Variants in DDI2 observed in about 807,000 individuals in gnomAD.
The protein encoded by DDI2 is protein DDI1 homolog 2.
DDI2 carries 5 observed loss-of-function variants against 48.1 expected under a neutral mutation model. The ratio of observed to expected loss-of-function variants is 0.10; its 90% CI spans 0.05 to 0.22. DDI2 has a LOEUF of 0.22. Ranked by LOEUF, DDI2 falls within the 10% of genes least tolerant of loss-of-function variation. DDI2 has a pLI of 1.00. For missense variants in DDI2, 285 were observed against 506.2 expected (o/e 0.56, Z 4.19); for synonymous variants, 205 against 183.6 (o/e 1.12, Z -0.94).
chr1:15,627,701 G>T (rs900014063), intron 2 of DDI2, among the ~76,000 whole-genome samples: 5 of 152,136 alleles, frequency 3.3e-5, no homozygotes, highest in East Asian at 1.9e-4. Context: ...GAAATGTGTG[G>T]TTTTTTTCCA....
chr1:15,641,139 T>C (rs1640001210), intron 5 of DDI2, among the ~76,000 whole-genome samples: 1 of 152,110 alleles, frequency 6.6e-6, no homozygotes, highest in East Asian at 1.9e-4. Context: ...TGGAAACCAT[T>C]GAGGACTTTT....
intron 4 of DDI2, among the ~76,000 whole-genome samples, chr1:15,636,931 A>G (rs75598696): frequency 0.02 from 2,984 of 152,322 alleles, 46 homozygotes; most frequent in Non-Finnish European, 0.029. Context: ...TTTTTTGCCT[A>G]AACAGCAGGC....
rs562057618 is a variant in DDI2 at position 15,659,940 on chromosome 1, T to A, written c.*150T>A. 1.2e-6 allele frequency: 2 copies of A among 1,613,702 alleles called. No individual in the cohort carries two copies. Among genetic ancestry groups the A allele is most frequent in the East Asian group, 2.2e-5 (1 of 44,880 alleles). ...CTTCAGGACAGAGTCCTGATGTTGG[T>A]AATCCTATGAGTCTTGCTCGCTCTG... On this transcript the variant is annotated 3_prime_UTR_variant, in exon 10 of 10. Coordinates refer to ENST00000480945, the MANE Select transcript of DDI2 (RefSeq NM_032341.5).
intron 1 of DDI2, among the ~76,000 whole-genome samples, chr1:15,618,840 A>C (rs1337447145): frequency 6.6e-6 from 1 of 152,234 alleles, no homozygotes; most frequent in Non-Finnish European, 1.5e-5. Context: ...CCATCAAGTA[A>C]ATCTTGATTT....
Position 15,617,533 on chromosome 1 carries a change from T to TGAGG in DDI2, c.-130_-127dup, listed in dbSNP as rs1472911064. The TGAGG allele has an allele frequency of 1.7e-6, 1 of 605,460 alleles. No individual in the cohort carries two copies. The highest frequency in any genetic ancestry group is 1.9e-5 in the African/African-American group (1 of 51,528). 37.5% of individuals were successfully genotyped at this position (605,460 alleles called of 1,614,324 possible). A position where few individuals can be genotyped will look rare whatever the true frequency, so the allele number is the denominator to read the frequency against. ...GAGGGAGTGACTCACTGAGCGTGTG[T>TGAGG]GAGGGAGGGAGCGAGCGAGCGAACG... On this transcript the variant is annotated 5_prime_UTR_variant, in exon 1 of 10. Coordinates refer to ENST00000480945, the MANE Select transcript of DDI2 (RefSeq NM_032341.5).
At chr1:15,630,011 T>G (rs932079193) in intron 2 of DDI2, among the ~76,000 whole-genome samples, 1 of 152,140 alleles carries the variant, frequency 6.6e-6, no homozygotes, top group Non-Finnish European at 1.5e-5. Flanking sequence ...GGATTACAGG[T>G]GTGAGCCACC....
intron 1 of DDI2, among the ~76,000 whole-genome samples, chr1:15,621,578 G>T (rs75958497): frequency 0.2 from 30,422 of 151,924 alleles, 3,162 homozygotes; most frequent in Middle Eastern, 0.26. Flanking sequence ...GGAGATGGGG[G>T]TTTCACTGTG....
chr1:15,630,673 C>A, intron 3 of DDI2, 112 bp downstream of exon 3: 3 of 759,520 alleles, frequency 3.9e-6, no homozygotes, highest in Non-Finnish European at 6.6e-6. Context: ...ATTGAACATA[C>A]CAGTTTTTTC....
Position 15,660,216 on chromosome 1 carries a change from A to G in DDI2, c.*426A>G. On this transcript the variant is annotated 3_prime_UTR_variant, in exon 10 of 10. Coordinates refer to ENST00000480945, the MANE Select transcript of DDI2 (RefSeq NM_032341.5). ...GTAATCTGGAGAAATCTGCTGAAAG[A>G]AGCACCCAGGGCCTCAAATTTCATC... The G allele has an allele frequency of 6.2e-7, 1 of 1,614,222 alleles. No homozygotes were observed. Among genetic ancestry groups the G allele is most frequent in the East Asian group, 2.2e-5 (1 of 44,888 alleles).
chr1:15,668,390 C>T lies in DDI2; in HGVS notation c.*8600C>T, dbSNP rs2148313735. 1 of 152,312 alleles carries T rather than the reference C, an allele frequency of 6.6e-6. No homozygotes were observed. The highest frequency in any genetic ancestry group is 2.1e-4 in the South Asian group (1 of 4,822). 9.4% of individuals were successfully genotyped at this position (152,312 alleles called of 1,614,324 possible). The stretch of plus-strand genomic sequence containing the variant: ...ACTAGATTTCTATTCTATCCCCGAT[C>T]ATCCTTTTGAAATAGTTCTAGTGAT... On this transcript the variant is annotated 3_prime_UTR_variant, in exon 10 of 10. Transcript: ENST00000480945.
At chr1:15,652,559 C>T (rs1640207244) in intron 8 of DDI2, among the ~76,000 whole-genome samples, 1 of 148,660 alleles carries the variant, frequency 6.7e-6, no homozygotes, top group African/African-American at 2.5e-5. Context: ...CGCGGTGGCT[C>T]ACGCCTGTAA....
At position 15,667,976 on chromosome 1, in the gene DDI2, G is replaced by A. The variant is rs1640479950; in HGVS notation, c.*8186G>A. On this transcript the variant is annotated 3_prime_UTR_variant, in exon 10 of 10. Transcript: ENST00000480945. The stretch of plus-strand genomic sequence containing the variant: ...GAGAATGTTTCTTTTACCTAAAAAT[G>A]TTAAGCCAACTATGGAAGATTGGGG... The A allele has an allele frequency of 6.6e-6, 1 of 152,140 alleles. No individual in the cohort carries two copies. The highest frequency in any genetic ancestry group is 2.1e-4 in the South Asian group (1 of 4,824). The allele number at this position is 152,140 out of a possible 1,614,324, so 9.4% of individuals were successfully genotyped here.
chr1:15,639,695 C>T (rs774270150), intron 5 of DDI2, among the ~76,000 whole-genome samples: 1 of 152,124 alleles, frequency 6.6e-6, no homozygotes. Flanking sequence ...AACTCCTGGC[C>T]TCAACTCTCA....
chr1:15,622,322 C>A (rs1639678632), intron 1 of DDI2, among the ~76,000 whole-genome samples: 1 of 151,872 alleles, frequency 6.6e-6, no homozygotes, highest in South Asian at 2.1e-4. Context: ...CTGCACCTGG[C>A]CTACTAGTTT....
rs1640085385 is a variant in DDI2 at position 15,646,052 on chromosome 1, C to T, written c.889+2402C>T. Among the ~76,000 whole-genome samples, 4 of 152,232 alleles carry T rather than the reference C, an allele frequency of 2.6e-5. No individual in the cohort carries two copies. The South Asian group carries it at 8.3e-4, about 32-fold the overall frequency. On this transcript the variant is annotated intron_variant, in intron 6 of 9. Coordinates refer to ENST00000480945, the MANE Select transcript of DDI2 (RefSeq NM_032341.5). ...TTTTCAGTTGGATACTTGTTCTGTC[C>T]CTGTCTCCCTCCATGCTCACCTCTG... is the stretch of plus-strand genomic sequence containing the variant.
At chr1:15,659,575 T>C (rs1640327495) in intron 9 of DDI2, among the ~76,000 whole-genome samples, 1 of 152,190 alleles carries the variant, frequency 6.6e-6, no homozygotes, top group South Asian at 2.1e-4. Context: ...CGCCATTATG[T>C]GAATGCATAT....
At chr1:15,650,076 G>A (rs1640153910) in intron 7 of DDI2, among the ~76,000 whole-genome samples, 1 of 152,156 alleles carries the variant, frequency 6.6e-6, no homozygotes, top group Non-Finnish European at 1.5e-5. Context: ...GGACAGTTTG[G>A]TTCCCTTGTA....
At chr1:15,642,387 A>G (rs1208784945) in intron 5 of DDI2, among the ~76,000 whole-genome samples, 5 of 152,232 alleles carry the variant, frequency 3.3e-5, no homozygotes, top group South Asian at 4.1e-4. Flanking sequence ...ATTTTGGAAG[A>G]CTGCATGATT....
chr1:15,635,232 GA>G (rs113959039), intron 4 of DDI2, among the ~76,000 whole-genome samples: 4,986 of 131,064 alleles, frequency 0.038, 268 homozygotes, highest in African/African-American at 0.12. Flanking sequence ...CCCATCTTAG[GA>G]AAAAAAAAAA....
Sources: allele counts gnomAD v4.1 joint callset (sites outside exome capture counted in the v4.1 genomes callset), GRCh38; gene constraint gnomAD v4.1.1; transcripts MANE v1.5; gene names NCBI Gene and HGNC (gene_info 2026-07-23, HGNC 2026-07-21).